The following OTUD7A variants were observed in gnomAD, a reference collection of about 807,000 sequenced individuals.
The protein encoded by OTUD7A is OTU deubiquitinase 7A.
Under a neutral mutation model 65.7 loss-of-function variants are expected in OTUD7A, and 12 were observed. The ratio of observed to expected loss-of-function variants is 0.18; its 90% CI spans 0.12 to 0.30. The LOEUF is 0.30. OTUD7A is among the 10% of genes least tolerant of loss of function. The pLI, the probability that OTUD7A is intolerant of heterozygous loss-of-function variation, is 1.00. For missense variants in OTUD7A, 1,148 were observed against 1,304.8 expected (o/e 0.88, Z 1.85); for synonymous variants, 641 against 586.3 (o/e 1.09, Z -1.35).
rs538368380 is a variant in OTUD7A, at chr15:31,787,122, G to T, written c.-100+83385C>A. ...ACCTGCTCCAGAAATGTTGTACCAG[G>T]ATGTGATGATGGAGAACTGGCAATT... On this transcript the variant is annotated intron_variant, in intron 1 of 12. Transcript: ENST00000307050. Among the ~76,000 whole-genome samples, 87 of 152,282 alleles carry T rather than the reference G, an allele frequency of 5.7e-4. No individual in the cohort carries two copies. In the South Asian group the frequency reaches 0.012, roughly 21 times the overall value.
At chr15:31,538,115 C>G (rs1887866113) in intron 5 of OTUD7A, among the ~76,000 whole-genome samples, 1 of 152,200 alleles carries the variant, frequency 6.6e-6, no homozygotes, top group Admixed American at 6.5e-5. Context: ...TAACAGGAGA[C>G]CTGCTGGGGC....
At chr15:31,864,553 G>A (rs28670458) in intron 1 of OTUD7A, among the ~76,000 whole-genome samples, 8 of 152,050 alleles carry the variant, frequency 5.3e-5, no homozygotes, top group Non-Finnish European at 7.4e-5. Flanking sequence ...TCACTATCAC[G>A]AGTATAGCAT....
chr15:31,734,104 CCAACAACAGT>C (rs746439205), intron 1 of OTUD7A, among the ~76,000 whole-genome samples: 2 of 152,082 alleles, frequency 1.3e-5, no homozygotes, highest in Non-Finnish European at 2.9e-5. Flanking sequence ...TAGTAACACA[CCAACAACAGT>C]CAAGCCAAGA....
At chr15:31,594,994 A>G (rs1889859983) in intron 3 of OTUD7A, among the ~76,000 whole-genome samples, 1 of 152,212 alleles carries the variant, frequency 6.6e-6, no homozygotes, top group Admixed American at 6.5e-5. Context: ...GGGGGCACCT[A>G]CTGTGTGCTG....
intron 1 of OTUD7A, among the ~76,000 whole-genome samples, chr15:31,792,908 C>A (rs1345231942): frequency 2.6e-5 from 4 of 152,154 alleles, no homozygotes; most frequent in African/African-American, 9.6e-5. Context: ...GCCCCCCTGC[C>A]TGGCATGCCT....
rs537918525 is a variant in OTUD7A at position 31,674,786 on chromosome 15, T to A, written c.-99-17709A>T. Among the ~76,000 whole-genome samples the A allele has an allele frequency of 2.0e-5, 3 of 152,200 alleles. 1 individual carries two copies. The highest frequency in any genetic ancestry group is 4.8e-5 in the African/African-American group (2 of 41,458). On this transcript the variant is annotated intron_variant, in intron 1 of 12. Transcript: ENST00000307050. ...ATAGTCCTTTCTCATGATGCCTTTT[T>A]CCCCTTCTTTCTGCCTTGAGTGAGG...
rs138905596 is a variant in OTUD7A at position 31,867,294 on chromosome 15, G to A, written c.-100+3213C>T. 2.6e-4 allele frequency among the ~76,000 whole-genome samples: 40 copies of A among 152,196 alleles called. No individual in the cohort carries two copies. In the Middle Eastern group the frequency reaches 0.01, roughly 39 times the overall value. On this transcript the variant is annotated intron_variant, in intron 1 of 12. Coordinates refer to ENST00000307050, the MANE Select transcript of OTUD7A (RefSeq NM_001382637.1). Reference sequence around the variant, plus strand: ...AAAAATAAAAGCACAGTAACGAAACGTTTTTCATCAGAGAAATTTTGAGGC... The same window carrying A: ...AAAAATAAAAGCACAGTAACGAAACATTTTTCATCAGAGAAATTTTGAGGC...
chr15:31,678,115 A>T (rs577160553), intron 1 of OTUD7A, among the ~76,000 whole-genome samples: 2 of 152,352 alleles, frequency 1.3e-5, no homozygotes, highest in South Asian at 4.1e-4. Flanking sequence ...TGGAACTCTG[A>T]ACTTGAGAGA....
At chr15:31,782,755 A>G (rs1895574390) in intron 1 of OTUD7A, among the ~76,000 whole-genome samples, 1 of 152,220 alleles carries the variant, frequency 6.6e-6, no homozygotes, top group South Asian at 2.1e-4. Flanking sequence ...GGTGTCAAAC[A>G]TGACTTCAAA....
At chr15:31,530,377 G>A (rs1439183526) in intron 6 of OTUD7A, among the ~76,000 whole-genome samples, 1 of 152,160 alleles carries the variant, frequency 6.6e-6, no homozygotes, top group Admixed American at 6.5e-5. Flanking sequence ...AGTTCTTCAA[G>A]TTTCAGTAAA....
At chr15:31,704,508 AT>A (rs1893283660) in intron 1 of OTUD7A, among the ~76,000 whole-genome samples, 1 of 148,544 alleles carries the variant, frequency 6.7e-6, no homozygotes, top group Non-Finnish European at 1.5e-5. Context: ...TAAGTTCTGA[AT>A]TTTTGTTACA....
At chr15:31,681,066 A>C (rs1019253881) in intron 1 of OTUD7A, among the ~76,000 whole-genome samples, 13 of 149,428 alleles carry the variant, frequency 8.7e-5, no homozygotes, top group East Asian at 3.9e-4. Flanking sequence ...TCTATATTCT[A>C]TCTCTCCCTT....
chr15:31,767,275 C>T, intron 1 of OTUD7A: 7 of 848,916 alleles, frequency 8.2e-6, no homozygotes, highest in Non-Finnish European at 1.4e-5. Context: ...CCACAAACAA[C>T]TACCACGAAA....
rs139536712 is a variant in OTUD7A at position 31,591,352 on chromosome 15, C to T, written c.152-21155G>A. On this transcript the variant is annotated intron_variant, in intron 3 of 12. Coordinates refer to ENST00000307050, the MANE Select transcript of OTUD7A (RefSeq NM_001382637.1). ...AGAGCAGGAGCTTACCTAGACAAGA[C>T]ATTTGCTCAGACATTACTCGAGGTG... Among the ~76,000 whole-genome samples the T allele has an allele frequency of 1.9e-3, 288 of 152,266 alleles. 1 individual carries two copies. Among genetic ancestry groups the T allele is most frequent in the African/African-American group, 6.5e-3 (269 of 41,536 alleles).
chr15:31,779,986 C>T (rs1023172569), intron 1 of OTUD7A, among the ~76,000 whole-genome samples: 2 of 152,066 alleles, frequency 1.3e-5, no homozygotes, highest in African/African-American at 4.8e-5. Flanking sequence ...CAACCCAGTC[C>T]AGGACAAAGT....
At chr15:31,547,027 C>A (rs1476363120) in intron 5 of OTUD7A, among the ~76,000 whole-genome samples, 3 of 152,190 alleles carry the variant, frequency 2.0e-5, no homozygotes, top group African/African-American at 7.2e-5. Context: ...CCCACATGTA[C>A]ATTTCAATAA....
chr15:31,585,498 G>T (rs1347911407), intron 3 of OTUD7A, among the ~76,000 whole-genome samples: 3 of 152,214 alleles, frequency 2.0e-5, no homozygotes, highest in African/African-American at 7.2e-5. Flanking sequence ...CAGGTGAGCT[G>T]CTTCGGTGCT....
intron 1 of OTUD7A, among the ~76,000 whole-genome samples, chr15:31,858,152 CA>C (rs1298995371): frequency 6.6e-6 from 1 of 152,110 alleles, no homozygotes; most frequent in Non-Finnish European, 1.5e-5. Context: ...AAGGTGAGGT[CA>C]AAAGGCCCGA....
rs62004062 is a variant in OTUD7A, at chr15:31,477,802, C to T, written c.*5492G>A. The T allele has an allele frequency of 0.013, 1,931 of 146,162 alleles. 23 individuals carry two copies. Among genetic ancestry groups the T allele is most frequent in the Non-Finnish European group, 0.022 (1,468 of 67,332 alleles). 9.1% of individuals were successfully genotyped at this position (146,162 alleles called of 1,614,324 possible). On this transcript the variant is annotated 3_prime_UTR_variant, in exon 13 of 13. Transcript: ENST00000307050. ...TTACAGTCTATGGGAGATGGGGAGGCGAGAATCAAATAAATGGATGAATGA... is the reference window on the plus strand; with the variant it reads ...TTACAGTCTATGGGAGATGGGGAGGTGAGAATCAAATAAATGGATGAATGA...
Sources: allele counts gnomAD v4.1 joint callset (sites outside exome capture counted in the v4.1 genomes callset), GRCh38; gene constraint gnomAD v4.1.1; transcripts MANE v1.5; gene names NCBI Gene and HGNC (gene_info 2026-07-23, HGNC 2026-07-21).